The following TENM1 variants were observed in gnomAD, a reference collection of about 807,000 sequenced individuals.
TENM1 encodes teneurin-1.
Under a neutral mutation model 174.8 loss-of-function variants are expected in TENM1, and 35 were observed. The ratio of observed to expected loss-of-function variants is 0.20; its 90% confidence interval spans 0.15 to 0.27. The LOEUF is 0.27. Among genes scored for constraint, TENM1 ranks in the 10% least tolerant of loss-of-function variants. TENM1 has a pLI of 1.00. For missense variants in TENM1, 1,633 were observed against 2,130.1 expected, an observed-to-expected ratio of 0.77 and a Z score of 4.59; for synonymous variants, 781 against 798.7, an observed-to-expected ratio of 0.98 and a Z score of 0.37.
intron 27 of TENM1, among the ~76,000 whole-genome samples, chrX:124,398,329 A>G (rs1363487920): frequency 1.9e-5 from 2 of 103,429 alleles, no homozygotes; most frequent in African/African-American, 6.8e-5. Context: ...CAATCACTAC[A>G]TTAATTCCAC....
intron 1 of TENM1, among the ~76,000 whole-genome samples, chrX:124,943,391 A>G (rs1305730265): frequency 8.9e-6 from 1 of 111,976 alleles, no homozygotes; most frequent in Non-Finnish European, 1.9e-5. Context: ...ATAAAGCTCA[A>G]TCCTATTATA....
chrX:124,482,278 T>C (rs1430917994), intron 21 of TENM1, among the ~76,000 whole-genome samples: 1 of 110,589 alleles, frequency 9.0e-6, no homozygotes, highest in Non-Finnish European at 1.9e-5. Flanking sequence ...AGTTATCCAA[T>C]TACCTACTAG....
chrX:124,954,475 A>G (rs1450423790), intron 1 of TENM1, among the ~76,000 whole-genome samples: 2 of 112,015 alleles, frequency 1.8e-5, no homozygotes, highest in African/African-American at 6.5e-5. Flanking sequence ...AAAATCATTT[A>G]TATGAAGGGA....
At chrX:124,755,350 C>T (rs2054203246) in intron 3 of TENM1, among the ~76,000 whole-genome samples, 1 of 111,050 alleles carries the variant, frequency 9.0e-6, no homozygotes, top group South Asian at 3.9e-4. Flanking sequence ...GGTAGATCTT[C>T]CTCCATCCTT....
chrX:124,406,399 C>T, exon 26 of TENM1: 1 of 1,209,151 alleles, frequency 8.3e-7, no homozygotes, highest in Admixed American at 2.2e-5. Flanking sequence ...TATCTAGCTC[C>T]ACTTTTGTCA....
At chrX:125,150,683 T>C in the TENM1 span, among the ~76,000 whole-genome samples, 3 of 112,503 alleles carry the variant, frequency 2.7e-5, no homozygotes, top group African/African-American at 9.7e-5. Flanking sequence ...AGTATTTAAG[T>C]ATGAAAATTA....
At chrX:124,477,873 T>C (rs1272517977) in intron 22 of TENM1, among the ~76,000 whole-genome samples, 1 of 110,737 alleles carries the variant, frequency 9.0e-6, no homozygotes, top group African/African-American at 3.3e-5. Context: ...TTTTAAAAAA[T>C]AACTTTTATT....
At chrX:124,508,475 G>A (rs1036537932) in intron 18 of TENM1, among the ~76,000 whole-genome samples, 5 of 112,287 alleles carry the variant, frequency 4.5e-5, no homozygotes, top group African/African-American at 1.6e-4. Flanking sequence ...TGGACATGAT[G>A]TATTATCCTT....
intron 23 of TENM1, among the ~76,000 whole-genome samples, chrX:124,445,036 T>C (rs1042005982): frequency 8.9e-6 from 1 of 111,912 alleles, no homozygotes; most frequent in African/African-American, 3.2e-5. Context: ...TGAATCTTGT[T>C]TTTCATATGT....
intron 22 of TENM1, among the ~76,000 whole-genome samples, chrX:124,461,446 C>G (rs755835329): frequency 1.7e-4 from 19 of 111,865 alleles, no homozygotes; most frequent in Non-Finnish European, 3.2e-4. Context: ...GATATCTGCA[C>G]TCCCGTGTTT....
chrX:125,023,930 G>T, the TENM1 span, among the ~76,000 whole-genome samples: 1 of 111,997 alleles, frequency 8.9e-6, no homozygotes, highest in East Asian at 2.8e-4. Context: ...GATATGAACA[G>T]ATATTTTTCA....
chrX:124,487,830 C>A (rs2046984433), intron 20 of TENM1, among the ~76,000 whole-genome samples: 1 of 111,748 alleles, frequency 8.9e-6, no homozygotes, highest in African/African-American at 3.2e-5. Flanking sequence ...TATCTGATCT[C>A]AGAGATAAGA....
chrX:125,161,017 C>A, the TENM1 span, among the ~76,000 whole-genome samples: 1 of 99,264 alleles, frequency 1.0e-5, no homozygotes, highest in African/African-American at 3.8e-5. Flanking sequence ...ATTGCTTTGG[C>A]CTTTCGACAA....
chrX:124,648,584 C>G (rs1215843379), intron 8 of TENM1, among the ~76,000 whole-genome samples: 2 of 112,076 alleles, frequency 1.8e-5, no homozygotes, highest in Non-Finnish European at 3.8e-5. Context: ...ATTTACTTGA[C>G]AAGTAGTTAT....
intron 23 of TENM1, among the ~76,000 whole-genome samples, chrX:124,428,471 C>A (rs1163402522): frequency 7.1e-5 from 8 of 112,011 alleles, no homozygotes; most frequent in Non-Finnish European, 1.5e-4. Flanking sequence ...ATACTGTATG[C>A]TCAAACCACC....
chrX:124,687,338 T>G (rs1228535526), intron 5 of TENM1, among the ~76,000 whole-genome samples: 1 of 111,676 alleles, frequency 9.0e-6, no homozygotes, highest in African/African-American at 3.3e-5. Flanking sequence ...GGGGAAAGGA[T>G]TCCCTATTTA....
intron 23 of TENM1, among the ~76,000 whole-genome samples, chrX:124,439,257 G>A (rs186900253): frequency 9.0e-6 from 1 of 110,871 alleles, no homozygotes; most frequent in Admixed American, 9.6e-5. Context: ...TTATTTTTTT[G>A]TGTGTGTGAA....
At chrX:124,913,670 A>G (rs764783335) in intron 1 of TENM1, among the ~76,000 whole-genome samples, 32 of 111,926 alleles carry the variant, frequency 2.9e-4, no homozygotes, top group Admixed American at 8.6e-4. Flanking sequence ...CCTCCAGCCA[A>G]AAATAAAGAC....
At chrX:125,121,343 C>G in the TENM1 span, among the ~76,000 whole-genome samples, 2 of 111,621 alleles carry the variant, frequency 1.8e-5, no homozygotes, top group Admixed American at 9.6e-5. Context: ...GTTTATCACA[C>G]ATGATTTTCT....
Sources: gnomAD v4.1 joint callset for allele counts (sites outside exome capture counted in the v4.1 genomes callset) on GRCh38, gnomAD v4.1.1 for gene constraint, MANE v1.5 for transcripts, NCBI Gene and HGNC (gene_info 2026-07-23, HGNC 2026-07-21) for gene names.